ARHGAP29: variants seen among roughly 807,000 people sequenced by gnomAD.
The protein encoded by ARHGAP29 is rho GTPase-activating protein 29.
In ARHGAP29, 43 loss-of-function variants were observed where a neutral mutation model predicts 122.6. The ratio of observed to expected loss-of-function variants is 0.35; its 90% CI spans 0.27 to 0.45. The LOEUF (loss-of-function observed/expected upper bound fraction) is 0.45, where lower values mean the gene tolerates loss of function less well. Among genes scored for constraint, ARHGAP29 ranks in the 20% least tolerant of loss-of-function variants. The probability of loss-of-function intolerance (pLI) is 1.00; values close to 1 mark genes in which losing one functional copy is unlikely to be tolerated. For synonymous variants in ARHGAP29, 506 were observed against 497.1 expected (o/e 1.02, Z -0.24); for missense variants, 1,303 against 1,477.2 (o/e 0.88, Z 1.93).
intron 1 of ARHGAP29, among the ~76,000 whole-genome samples, chr1:94,268,057 T>TA (rs1319876115): frequency 7.9e-5 from 12 of 152,222 alleles, no homozygotes; most frequent in African/African-American, 2.6e-4. Flanking sequence ...CTTCTTCTGA[T>TA]AAACAAAAAA....
At chr1:94,207,121 G>A (rs1651252904) in intron 5 of ARHGAP29, among the ~76,000 whole-genome samples, 2 of 149,512 alleles carry the variant, frequency 1.3e-5, no homozygotes, top group African/African-American at 4.9e-5. Flanking sequence ...TGATTCTCGT[G>A]CCTCAGCCTC....
chr1:94,307,638 A>G, the ARHGAP29 span, among the ~76,000 whole-genome samples: 2 of 152,226 alleles, frequency 1.3e-5, no homozygotes, highest in African/African-American at 4.8e-5. Flanking sequence ...GACCACATGT[A>G]AGGGTAAAAT....
At chr1:94,231,112 A>G (rs561145993) in intron 2 of ARHGAP29, among the ~76,000 whole-genome samples, 1 of 152,196 alleles carries the variant, frequency 6.6e-6, no homozygotes, top group Admixed American at 6.5e-5. Flanking sequence ...CAGAAAGGTT[A>G]AAATTCCAAT....
At chr1:94,292,069 C>T in the ARHGAP29 span, among the ~76,000 whole-genome samples, 1 of 152,172 alleles carries the variant, frequency 6.6e-6, no homozygotes, top group African/African-American at 2.4e-5. Context: ...TTCCATTCTC[C>T]CTGTCACTTT....
chr1:94,175,666 G>T (rs1338142101), intron 22 of ARHGAP29, among the ~76,000 whole-genome samples: 1 of 152,024 alleles, frequency 6.6e-6, no homozygotes, highest in Non-Finnish European at 1.5e-5. Context: ...GGGACTGCTG[G>T]CCTCTCTTCC....
intron 12 of ARHGAP29, 121 bp downstream of exon 12, chr1:94,201,599 T>C: frequency 2.6e-6 from 3 of 1,176,158 alleles, no homozygotes; most frequent in South Asian, 1.4e-5. Context: ...CCTCAAACTT[T>C]TGGGCTCAAG....
chr1:94,192,649 A>C (rs1005352849), intron 12 of ARHGAP29: 5 of 152,186 alleles, frequency 3.3e-5, no homozygotes, highest in Non-Finnish European at 7.3e-5. Flanking sequence ...TGTAGTCTAG[A>C]GTGAGAGGGT....
At position 94,173,530 on chromosome 1, in the gene ARHGAP29, C is replaced by T; in HGVS notation, c.*339G>A. On this transcript the variant is annotated 3_prime_UTR_variant, in exon 23 of 23. Transcript: ENST00000260526. ...TAAACCTGATTTTCCCAAATTGCAC[C>T]TATTAGTTGAGACTATATCATATAT... The T allele has an allele frequency of 5.5e-6, 1 of 183,026 alleles. No homozygotes were observed. Among genetic ancestry groups the T allele is most frequent in the Non-Finnish European group, 1.2e-5 (1 of 86,294 alleles). 11.3% of individuals were successfully genotyped at this position (183,026 alleles called of 1,614,324 possible). A position where few individuals can be genotyped will look rare whatever the true frequency, so the allele number is the denominator to read the frequency against.
intron 3 of ARHGAP29, among the ~76,000 whole-genome samples, chr1:94,209,619 G>A (rs1651454170): frequency 6.6e-6 from 1 of 152,122 alleles, no homozygotes; most frequent in African/African-American, 2.4e-5. Context: ...CTGACTCAAT[G>A]TGAAATCCAT....
At chr1:94,215,796 T>A (rs945396122) in intron 3 of ARHGAP29, among the ~76,000 whole-genome samples, 3 of 151,940 alleles carry the variant, frequency 2.0e-5, no homozygotes, top group Non-Finnish European at 2.9e-5. Flanking sequence ...GTAAAAAAAA[T>A]TTTTCAACAT....
upstream of ARHGAP29, among the ~76,000 whole-genome samples, chr1:94,241,747 T>C (rs1369325993): frequency 7.7e-6 from 1 of 130,000 alleles, no homozygotes; most frequent in East Asian, 2.2e-4. Context: ...TATATATATA[T>C]ATAAAATCAA....
upstream of ARHGAP29, among the ~76,000 whole-genome samples, chr1:94,240,186 G>A (rs1484634793): frequency 6.6e-6 from 1 of 152,202 alleles, no homozygotes; most frequent in African/African-American, 2.4e-5. Flanking sequence ...CTGACACAGA[G>A]TCACAATAGT....
intron 1 of ARHGAP29, among the ~76,000 whole-genome samples, chr1:94,259,561 A>C (rs1187880208): frequency 6.6e-6 from 1 of 152,182 alleles, no homozygotes; most frequent in African/African-American, 2.4e-5. Context: ...CAGAGACACA[A>C]GGGGAAGATA....
the ARHGAP29 span, among the ~76,000 whole-genome samples, chr1:94,293,429 G>C: frequency 6.6e-6 from 1 of 152,192 alleles, no homozygotes; most frequent in Non-Finnish European, 1.5e-5. Flanking sequence ...CCGACCCTTT[G>C]CACTTCCTGG....
At chr1:94,244,875 A>G (rs1019833443) in intron 1 of ARHGAP29, among the ~76,000 whole-genome samples, 3 of 152,190 alleles carry the variant, frequency 2.0e-5, no homozygotes, top group African/African-American at 4.8e-5. Flanking sequence ...AACCAAATAT[A>G]TCAGGAACTC....
chr1:94,233,268 T>G (rs1045695511), intron 1 of ARHGAP29, among the ~76,000 whole-genome samples: 2 of 152,272 alleles, frequency 1.3e-5, no homozygotes, highest in East Asian at 1.9e-4. Flanking sequence ...GGAAGTTTTA[T>G]GTAATATCCG....
At position 94,202,539 on chromosome 1, in the gene ARHGAP29, G is replaced by A. The variant is rs572314620; in HGVS notation, c.1143+5C>T. On this transcript the variant is annotated splice_donor_5th_base_variant and intron_variant, in intron 11 of 22. Coordinates refer to ENST00000260526, the MANE Select transcript of ARHGAP29 (RefSeq NM_004815.4). Reference sequence around the variant, plus strand: ...CTTGCAAATAAAAAAGAAAAAGATCGTTACTTTTTGGAGAGCCTCCTCTTC... The same window carrying A: ...CTTGCAAATAAAAAAGAAAAAGATCATTACTTTTTGGAGAGCCTCCTCTTC... The A allele has an allele frequency of 3.7e-6, 6 of 1,612,576 alleles. No individual in the cohort carries two copies. The African/African-American group carries it at 6.7e-5, about 18-fold the overall frequency.
chr1:94,280,454 A>G, the ARHGAP29 span, among the ~76,000 whole-genome samples: 1 of 152,186 alleles, frequency 6.6e-6, no homozygotes. Flanking sequence ...AATGCAACAA[A>G]AATAAATTAA....
the ARHGAP29 span, among the ~76,000 whole-genome samples, chr1:94,309,786 G>C: frequency 5.9e-5 from 9 of 152,130 alleles, no homozygotes; most frequent in African/African-American, 2.2e-4. Flanking sequence ...CCAGAGGGCA[G>C]AAGAAGAAAC....
Sources: allele counts gnomAD v4.1 joint callset (sites outside exome capture counted in the v4.1 genomes callset), GRCh38; gene constraint gnomAD v4.1.1; transcripts MANE v1.5; gene names NCBI Gene and HGNC (gene_info 2026-07-23, HGNC 2026-07-21).